Variants in APLP2 observed in about 807,000 individuals in gnomAD.
The protein encoded by APLP2 is CDEI box-binding protein.
Under a neutral mutation model 89.9 loss-of-function variants are expected in APLP2, and 53 were observed. That is an observed-to-expected ratio of 0.59 (90% CI 0.47 to 0.74). The LOEUF is 0.74. Among genes scored for constraint, APLP2 ranks in the 30% least tolerant of loss-of-function variants. The pLI, the probability that APLP2 is intolerant of heterozygous loss-of-function variation, is 0.00. For missense variants in APLP2, 973 were observed against 975.9 expected (o/e 1.00, Z 0.04); for synonymous variants, 372 against 348.6 (o/e 1.07, Z -0.75).
intron 3 of APLP2, among the ~76,000 whole-genome samples, chr11:130,116,512 C>T (rs1327103332): frequency 6.6e-6 from 1 of 151,986 alleles, no homozygotes; most frequent in Non-Finnish European, 1.5e-5. Context: ...CTTTTTAAGA[C>T]AGGGTCGCCG....
intron 1 of APLP2, chr11:130,082,752 A>G: frequency 4.2e-6 from 1 of 235,918 alleles, no homozygotes; most frequent in Non-Finnish European, 8.8e-6. Context: ...TAGAGGCTGT[A>G]TTGTAGGAAA....
At chr11:130,075,594 G>A (rs917769073) in intron 1 of APLP2, among the ~76,000 whole-genome samples, 3 of 152,242 alleles carry the variant, frequency 2.0e-5, no homozygotes, top group Admixed American at 2.0e-4. Flanking sequence ...AAGCTCCCCG[G>A]ATGATTCTAA....
At chr11:130,096,295 C>T (rs1050832233) in intron 1 of APLP2, among the ~76,000 whole-genome samples, 2 of 152,136 alleles carry the variant, frequency 1.3e-5, no homozygotes, top group Non-Finnish European at 2.9e-5. Context: ...GTGGGCCTTG[C>T]AAGCCACATT....
intron 1 of APLP2, chr11:130,108,979 C>G (rs1015830966): frequency 6.6e-6 from 1 of 152,216 alleles, no homozygotes; most frequent in Non-Finnish European, 1.5e-5. Flanking sequence ...TGTTCTCACT[C>G]ATAGGTGGGA....
At chr11:130,104,206 C>CT (rs59598831) in intron 1 of APLP2, among the ~76,000 whole-genome samples, 6,360 of 77,006 alleles carry the variant, frequency 0.083, 1,391 homozygotes, top group African/African-American at 0.2. Context: ...TGGTACACAT[C>CT]TTTTTTTTTT....
At chr11:130,126,565 C>A in intron 7 of APLP2, 135 bp from the exon 8 acceptor site, 1 of 983,140 alleles carries the variant, frequency 1.0e-6, no homozygotes, top group Non-Finnish European at 1.6e-6. Flanking sequence ...GAAGTCTTGG[C>A]AGATAGCAGC....
Position 130,121,763 on chromosome 11 carries a change from G to T in APLP2, c.666G>T (p.Glu222Asp), listed in dbSNP as rs76279939. ...AAGAAGAGGAAGAGGAAGATGAAGA[G>T]GAAGAGGAAGAGGAAGATGAAGAGG... ...VSKEEEEEDE[E>D]EEEEEDEEED... is the part of the protein sequence containing the mutation. The change falls in exon 5 of 17, where the codon GAG (glutamate) becomes GAT (aspartate). Residue 222 changes from glutamate to aspartate, a missense_variant. By Grantham distance (45) the Glu-to-Asp change is conservative. Transcript: ENST00000338167. The T allele has an allele frequency of 3.1e-5, 41 of 1,330,470 alleles. No homozygotes were observed. Among genetic ancestry groups the T allele is most frequent in the Admixed American group, 5.7e-5 (3 of 52,240 alleles). The allele number at this position is 1,330,470 out of a possible 1,614,324, so 82.4% of individuals were successfully genotyped here. A position where few individuals can be genotyped will look rare whatever the true frequency, so the allele number is the denominator to read the frequency against.
At chr11:130,071,725 T>TTAA (rs1239184867) in intron 1 of APLP2, among the ~76,000 whole-genome samples, 1 of 152,222 alleles carries the variant, frequency 6.6e-6, no homozygotes, top group Non-Finnish European at 1.5e-5. Flanking sequence ...TTAAATTTGA[T>TTAA]TGTTAGCCAC....
intron 1 of APLP2, among the ~76,000 whole-genome samples, chr11:130,086,727 C>T (rs1009821713): frequency 9.9e-5 from 15 of 152,200 alleles, no homozygotes; most frequent in Non-Finnish European, 2.1e-4. Context: ...TCCAGCTTCA[C>T]TCTTCTGCAA....
At position 130,070,095 on chromosome 11, in the gene APLP2, C is replaced by T. The variant is rs1429901152; in HGVS notation, c.105+13C>T. The T allele has an allele frequency of 3.6e-6, 5 of 1,403,246 alleles. No individual in the cohort carries two copies. The highest frequency in any genetic ancestry group is 3.1e-5 in the Admixed American group (1 of 32,076). 86.9% of individuals were successfully genotyped at this position (1,403,246 alleles called of 1,614,324 possible). The stretch of plus-strand genomic sequence containing the variant: ...CGGCTACATCGAGGTGGGGACCGGG[C>T]GAACGCCGGAGAGTCGTCTCCTTCG... On this transcript the variant is annotated intron_variant, in intron 1 of 16. Coordinates refer to ENST00000338167, the MANE Select transcript of APLP2 (RefSeq NM_001142276.2).
intron 1 of APLP2, chr11:130,070,753 T>C: frequency 1.4e-6 from 2 of 1,426,852 alleles, no homozygotes; most frequent in Non-Finnish European, 1.8e-6. Flanking sequence ...TCTGGGTGCG[T>C]TGACCGCTTT....
At chr11:130,121,934 T>C (rs1949873530) in intron 5 of APLP2, 124 bp downstream of exon 5, 3 of 1,409,898 alleles carry the variant, frequency 2.1e-6, no homozygotes, top group Non-Finnish European at 2.9e-6. Context: ...TCTGCTAGAG[T>C]TGATTAAGCT....
intron 11 of APLP2, among the ~76,000 whole-genome samples, chr11:130,132,172 GCAGGACAACAC>G (rs1223874481): frequency 6.6e-5 from 10 of 152,290 alleles, no homozygotes; most frequent in African/African-American, 2.4e-4. Context: ...GGGAGGTGTA[GCAGGACAACAC>G]TTGCTGAACC....
At chr11:130,113,908 G>T (rs1948873135) in intron 3 of APLP2, among the ~76,000 whole-genome samples, 1 of 152,194 alleles carries the variant, frequency 6.6e-6, no homozygotes, top group Non-Finnish European at 1.5e-5. Flanking sequence ...TTTGATCAAT[G>T]TGGTAAAAAA....
At position 130,144,200 on chromosome 11, in the gene APLP2, T is replaced by C. The variant is rs1404799728; in HGVS notation, c.*752T>C. 6.6e-6 allele frequency: 1 copy of C among 152,320 alleles called. No individual in the cohort carries two copies. The highest frequency in any genetic ancestry group is 1.5e-5 in the Non-Finnish European group (1 of 68,094). The allele number at this position is 152,320 out of a possible 1,614,324, so 9.4% of individuals were successfully genotyped here. On this transcript the variant is annotated 3_prime_UTR_variant, in exon 17 of 17. Coordinates refer to ENST00000338167, the MANE Select transcript of APLP2 (RefSeq NM_001142276.2). ...TCCACAGAGATTAGCCTGTAGCTTA[T>C]ATTTGACATTCTTCACTGTCTGTTG...
In APLP2 at chr11:130,141,937, C is replaced by A. The variant is rs767403249; in HGVS notation, c.2017C>A (p.Arg673=). The change falls in exon 16 of 17, where the codon CGG becomes AGG. Residue 673 remains arginine, a synonymous_variant. Transcript: ENST00000338167. This position sits in a 1 kb window ranked among gnomAD's most constrained non-coding sequence, Gnocchi z 4.2. ...EEERESVGPL[R]EDFSLSSSAL... ...TACGTAGGAATCCGTGGGCCCACTG[C>A]GGGAGGACTTCAGTCTGAGTAGCAG... The A allele has an allele frequency of 6.2e-7, 1 of 1,607,074 alleles. No individual in the cohort carries two copies. The highest frequency in any genetic ancestry group is 1.1e-5 in the South Asian group (1 of 90,794).
intron 13 of APLP2, among the ~76,000 whole-genome samples, chr11:130,138,387 A>G (rs1951887011): frequency 6.6e-6 from 1 of 152,150 alleles, no homozygotes; most frequent in South Asian, 2.1e-4. Context: ...ATTCCTTTCA[A>G]CAGCACAACT....
chr11:130,110,310 C>G (rs538142283), intron 2 of APLP2, among the ~76,000 whole-genome samples: 133 of 152,350 alleles, frequency 8.7e-4, no homozygotes, highest in Non-Finnish European at 1.6e-3. Context: ...ATACATATCC[C>G]TTTTGAAAAC....
At chr11:130,142,194 C>T in intron 16 of APLP2, 120 bp downstream of exon 16, 1 of 1,138,266 alleles carries the variant, frequency 8.8e-7, no homozygotes, top group Non-Finnish European at 1.2e-6. Context: ...GTTATCAGTT[C>T]AGTTACTCAC....
Sources: allele counts gnomAD v4.1 joint callset (sites outside exome capture counted in the v4.1 genomes callset), GRCh38; gene constraint gnomAD v4.1.1; non-coding constraint Gnocchi (gnomAD v3.1); transcripts MANE v1.5; gene names NCBI Gene and HGNC (gene_info 2026-07-23, HGNC 2026-07-21).